Variants in WDR59 observed in about 807,000 individuals in gnomAD.
WDR59 encodes the protein GATOR2 complex protein WDR59.
Under a neutral mutation model 131.2 loss-of-function variants are expected in WDR59, and 100 were observed. That is an observed-to-expected ratio of 0.76 (90% CI 0.65 to 0.90). WDR59 has a LOEUF of 0.90. WDR59 is among the 40% of genes least tolerant of loss of function. The pLI, the probability that WDR59 is intolerant of heterozygous loss-of-function variation, is 0.00. For missense variants in WDR59, 1,203 were observed against 1,262.2 expected, an observed-to-expected ratio of 0.95 and a Z score of 0.71; for synonymous variants, 601 against 466.2, an observed-to-expected ratio of 1.29 and a Z score of -3.72.
chr16:74,952,900 G>A (rs973533109), intron 3 of WDR59, among the ~76,000 whole-genome samples: 1 of 151,978 alleles, frequency 6.6e-6, no homozygotes, highest in African/African-American at 2.4e-5. Context: ...TTGTGAAAAG[G>A]TTAGGATTCA....
chr16:74,982,181 T>C (rs1430530716), intron 1 of WDR59, among the ~76,000 whole-genome samples: 6 of 151,602 alleles, frequency 4.0e-5, no homozygotes, highest in Non-Finnish European at 8.8e-5. Context: ...GTGGAGTGTT[T>C]TGAAAAGTTT....
At chr16:74,973,285 T>TTG (rs2034060104) in intron 1 of WDR59, among the ~76,000 whole-genome samples, 1 of 60,750 alleles carries the variant, frequency 1.6e-5, no homozygotes, top group African/African-American at 8.8e-5. Flanking sequence ...CAAAGCTGGT[T>TTG]TGTTGTTTTG....
intron 9 of WDR59, among the ~76,000 whole-genome samples, chr16:74,922,423 G>A (rs1007860570): frequency 4.6e-5 from 7 of 152,172 alleles, no homozygotes; most frequent in Non-Finnish European, 1.0e-4. Flanking sequence ...TACTCTCCAT[G>A]AGTTACCACT....
At chr16:74,879,888 A>G (rs979622426) in intron 25 of WDR59, among the ~76,000 whole-genome samples, 2 of 152,174 alleles carry the variant, frequency 1.3e-5, no homozygotes, top group African/African-American at 4.8e-5. Context: ...ATACAGGTTC[A>G]GTGAGAGTCT....
intron 12 of WDR59, 37 bp downstream of exon 12, chr16:74,916,090 G>A (rs1966357535): frequency 1.2e-6 from 2 of 1,614,064 alleles, no homozygotes; most frequent in African/African-American, 1.3e-5. Flanking sequence ...AATGCGTAGA[G>A]TGGCACCTTA....
At chr16:74,881,239 A>G (rs1295975959) in intron 25 of WDR59, among the ~76,000 whole-genome samples, 1 of 152,218 alleles carries the variant, frequency 6.6e-6, no homozygotes, top group Non-Finnish European at 1.5e-5. Flanking sequence ...CAAATTTGCT[A>G]TGATGAAGTC....
chr16:74,914,748 C>A (rs558133234), intron 13 of WDR59, among the ~76,000 whole-genome samples: 8 of 152,084 alleles, frequency 5.3e-5, no homozygotes, highest in Non-Finnish European at 7.4e-5. Context: ...CGCACGCCAC[C>A]ATGACCAGCT....
chr16:74,879,715 A>C (rs1036238832), intron 25 of WDR59, among the ~76,000 whole-genome samples: 5 of 152,182 alleles, frequency 3.3e-5, no homozygotes, highest in African/African-American at 4.8e-5. Flanking sequence ...AGAAAAAAAA[A>C]CCAAAAAAGA....
In WDR59 at chr16:74,981,654, A is replaced by ATTTT. The variant is rs1430602702; in HGVS notation, c.54+3309_54+3310insAAAA. Among the ~76,000 whole-genome samples the ATTTT allele has an allele frequency of 8.5e-4, 9 of 10,564 alleles. 1 individual carries two copies. The highest frequency in any genetic ancestry group is 1.2e-3 in the African/African-American group (8 of 6,406). 6.9% of individuals were successfully genotyped at this position (10,564 alleles called of 152,430 possible). On this transcript the variant is annotated intron_variant, in intron 1 of 25. Coordinates refer to ENST00000262144, the MANE Select transcript of WDR59 (RefSeq NM_030581.4). ...TATATATATATATATATATATATAT[A>ATTTT]TATATATTTTTTTTTTTTTTAGATG...
rs747807933 is a variant in WDR59, at chr16:74,915,976, G to C, written c.1118C>G (p.Pro373Arg). The change falls in exon 13 of 26, where the codon CCT becomes CGT. Residue 373 changes from proline to arginine, a missense_variant. Transcript: ENST00000262144. ...GEEEALKEDPPRNLLEERKSD... is the reference protein window; with the variant it reads ...GEEEALKEDPRRNLLEERKSD... Reference sequence around the variant, plus strand: ...TTTCCTCTCTTCCAGGAGATTTCTAGGGGGATCTTCTTTTAGGGCTAGCAG... The same window carrying C: ...TTTCCTCTCTTCCAGGAGATTTCTACGGGGATCTTCTTTTAGGGCTAGCAG... 6 of 1,614,036 alleles carry C rather than the reference G, an allele frequency of 3.7e-6. No homozygotes were observed. Among genetic ancestry groups the C allele is most frequent in the Non-Finnish European group, 5.1e-6 (6 of 1,180,022 alleles).
intron 7 of WDR59, among the ~76,000 whole-genome samples, chr16:74,942,532 T>C (rs2032313943): frequency 6.6e-6 from 1 of 152,164 alleles, no homozygotes; most frequent in African/African-American, 2.4e-5. Flanking sequence ...TTTCAACCAC[T>C]GTTCCTAATG....
chr16:74,926,406 G>C (rs2030817909), intron 8 of WDR59, among the ~76,000 whole-genome samples: 1 of 152,190 alleles, frequency 6.6e-6, no homozygotes, highest in East Asian at 1.9e-4. Flanking sequence ...GGATGAAACA[G>C]AAGTAATATT....
In WDR59 at chr16:74,925,377, C is replaced by G. The variant is rs187105882; in HGVS notation, c.652-1374G>C. The stretch of plus-strand genomic sequence containing the variant: ...TGGCCAACATGGCGAAACCCCATCT[C>G]TACCAAAAATACAAAAATTAGCTGG... On this transcript the variant is annotated intron_variant, in intron 8 of 25. Coordinates refer to ENST00000262144, the MANE Select transcript of WDR59 (RefSeq NM_030581.4). Among the ~76,000 whole-genome samples, 298 of 152,098 alleles carry G rather than the reference C, an allele frequency of 2.0e-3. 3 individuals are homozygous for G. Among genetic ancestry groups the G allele is most frequent in the Admixed American group, 0.015 (225 of 15,262 alleles).
intron 1 of WDR59, among the ~76,000 whole-genome samples, chr16:74,966,616 A>C (rs1033433141): frequency 3.7e-4 from 57 of 152,054 alleles, no homozygotes; most frequent in African/African-American, 1.3e-3. Flanking sequence ...GGACACCCCC[A>C]CCCCACACAC....
intron 1 of WDR59, among the ~76,000 whole-genome samples, chr16:74,975,985 C>T (rs542023257): frequency 1.3e-5 from 2 of 151,962 alleles, no homozygotes; most frequent in East Asian, 1.9e-4. Flanking sequence ...ACCCCCATCT[C>T]GATGTTAAAA....
At chr16:74,890,688 C>T (rs1025631562) in intron 20 of WDR59, among the ~76,000 whole-genome samples, 2 of 152,142 alleles carry the variant, frequency 1.3e-5, no homozygotes, top group African/African-American at 2.4e-5. Flanking sequence ...CTGAGGAATA[C>T]CTCCCCGACT....
intron 3 of WDR59, among the ~76,000 whole-genome samples, chr16:74,954,713 C>T (rs982087411): frequency 2.6e-5 from 4 of 152,140 alleles, no homozygotes; most frequent in Non-Finnish European, 5.9e-5. Flanking sequence ...TATTCAATAG[C>T]CAGTCAAATG....
At position 74,874,141 on chromosome 16, in the gene WDR59, G is replaced by A; in HGVS notation, c.*68C>T. ...ACCCAGGTTCTGGAGCCTCTCCCCT[G>A]ACAGACAGCTTGTCACCGGCACTTA... On this transcript the variant is annotated 3_prime_UTR_variant, in exon 26 of 26. Transcript: ENST00000262144. The A allele has an allele frequency of 7.3e-7, 1 of 1,377,280 alleles. No homozygotes were observed. Among genetic ancestry groups the A allele is most frequent in the Non-Finnish European group, 1.0e-6 (1 of 999,420 alleles). 85.3% of individuals were successfully genotyped at this position (1,377,280 alleles called of 1,614,324 possible). A position where few individuals can be genotyped will look rare whatever the true frequency, so the allele number is the denominator to read the frequency against.
At chr16:74,965,978 C>T (rs937289164) in intron 1 of WDR59, among the ~76,000 whole-genome samples, 156 bp from the exon 2 acceptor site, 1 of 152,158 alleles carries the variant, frequency 6.6e-6, no homozygotes, top group African/African-American at 2.4e-5. Flanking sequence ...CCACCCACTT[C>T]TAATTTACAA....
Sources: gnomAD v4.1 joint callset for allele counts (sites outside exome capture counted in the v4.1 genomes callset) on GRCh38, gnomAD v4.1.1 for gene constraint, MANE v1.5 for transcripts, NCBI Gene and HGNC (gene_info 2026-07-23, HGNC 2026-07-21) for gene names.